Variants in PRKN observed in about 807,000 individuals in gnomAD.
PRKN encodes parkin RBR E3 ubiquitin protein ligase, also known as E3 ubiquitin-protein ligase parkin.
A neutral mutation model predicts 59.5 loss-of-function variants in PRKN; 56 were observed. That is an observed-to-expected ratio of 0.94 (90% confidence interval 0.76 to 1.18). The LOEUF is 1.18. PRKN is among the 50% of genes most tolerant of loss of function. The probability of loss-of-function intolerance (pLI) is 0.00; values close to 1 mark genes in which losing one functional copy is unlikely to be tolerated. For missense variants in PRKN, 657 were observed against 596.4 expected (o/e 1.10, Z -1.06); for synonymous variants, 250 against 222.1 (o/e 1.13, Z -1.12).
At chr6:162,480,979 TG>T (rs1453335520) in intron 1 of PRKN, among the ~76,000 whole-genome samples, 16 of 109,582 alleles carry the variant, frequency 1.5e-4, no homozygotes, top group Non-Finnish European at 3.2e-4. Flanking sequence ...CTAATTTTTG[TG>T]TGTGTGTGTG....
chr6:162,380,347 T>C (rs1310882714), intron 2 of PRKN, among the ~76,000 whole-genome samples: 1 of 150,496 alleles, frequency 6.6e-6, no homozygotes, highest in South Asian at 2.1e-4. Flanking sequence ...ACAGCAAGTA[T>C]TCATTATTCA....
At chr6:162,306,634 T>C (rs937212901) in intron 2 of PRKN, among the ~76,000 whole-genome samples, 2 of 152,196 alleles carry the variant, frequency 1.3e-5, no homozygotes, top group African/African-American at 4.8e-5. Context: ...ACGGAAGTAT[T>C]TGAACAAATT....
intron 7 of PRKN, among the ~76,000 whole-genome samples, chr6:161,659,838 A>T (rs1784480902): frequency 6.6e-6 from 1 of 152,080 alleles, no homozygotes; most frequent in Non-Finnish European, 1.5e-5. Flanking sequence ...TACTATCCAC[A>T]CTTATTCAGG....
chr6:161,888,418 C>A (rs747012852), intron 6 of PRKN, among the ~76,000 whole-genome samples: 1 of 152,168 alleles, frequency 6.6e-6, no homozygotes, highest in Non-Finnish European at 1.5e-5. Flanking sequence ...TTCATCCAAA[C>A]TGGCCTCAAT....
At chr6:162,114,364 A>G (rs1197068152) in intron 4 of PRKN, among the ~76,000 whole-genome samples, 1 of 151,552 alleles carries the variant, frequency 6.6e-6, no homozygotes, top group South Asian at 2.1e-4. Flanking sequence ...ATGTTCTTCC[A>G]TTTGTTTGTA....
Position 161,355,980 on chromosome 6 carries a change from C to T in PRKN, c.1285+4108G>A, listed in dbSNP as rs977735306. Among the ~76,000 whole-genome samples, 11 of 152,144 alleles carry T rather than the reference C, an allele frequency of 7.2e-5. No homozygotes were observed. Among genetic ancestry groups the T allele is most frequent in the Admixed American group, 4.6e-4 (7 of 15,278 alleles). ...GACTGGGCAGAGGAGAAGCCCAGCT[C>T]GGGCACAGCCTAAGAGGCCTGAGCT... On this transcript the variant is annotated intron_variant, in intron 11 of 11. Transcript: ENST00000366898. The surrounding 1 kb of genome is among the most constrained non-coding windows in gnomAD (Gnocchi z 6.8).
chr6:161,825,004 T>A (rs1439812707), intron 6 of PRKN, among the ~76,000 whole-genome samples: 1 of 152,138 alleles, frequency 6.6e-6, no homozygotes, highest in Admixed American at 6.5e-5. Context: ...ACCTCAAATT[T>A]GAAAACAAGC....
intron 1 of PRKN, among the ~76,000 whole-genome samples, chr6:162,630,149 T>C (rs1003710669): frequency 2.6e-5 from 4 of 152,156 alleles, no homozygotes; most frequent in South Asian, 2.1e-4. Context: ...GGTGCACACA[T>C]TGATTTACCA....
chr6:161,782,841 C>T (rs992293009), intron 7 of PRKN, among the ~76,000 whole-genome samples: 1 of 151,950 alleles, frequency 6.6e-6, no homozygotes, highest in African/African-American at 2.4e-5. Flanking sequence ...TTGCAGTGAG[C>T]CGAGATCATG....
In PRKN at chr6:161,400,247, T is replaced by C. The variant is rs143818759; in HGVS notation, c.1084-13370A>G. On this transcript the variant is annotated intron_variant, in intron 9 of 11. Transcript: ENST00000366898. The surrounding 1 kb of genome is among the most constrained non-coding windows in gnomAD (Gnocchi z 4.2). ...AAAAGCGACAGAACACCTCCAATAT[T>C]TTAGAAGAAAGTAGGATGAGGTGAG... Among the ~76,000 whole-genome samples, 26 of 152,182 alleles carry C rather than the reference T, an allele frequency of 1.7e-4. No homozygotes were observed. Among genetic ancestry groups the C allele is most frequent in the African/African-American group, 5.8e-4 (24 of 41,516 alleles).
chr6:162,567,578 C>T (rs201736240), intron 1 of PRKN, among the ~76,000 whole-genome samples: 1 of 151,362 alleles, frequency 6.6e-6, no homozygotes, highest in East Asian at 1.9e-4. Context: ...CAAAAGATCT[C>T]TATAATGAAA....
In PRKN at chr6:162,382,533, C is replaced by T. The variant is rs1322013312; in HGVS notation, c.171+60777G>A. Among the ~76,000 whole-genome samples the T allele has an allele frequency of 4.6e-5, 7 of 152,124 alleles. No homozygotes were observed. In the South Asian group the frequency reaches 6.2e-4, roughly 13 times the overall value. ...GCATACAAACTTTAATTTAAAAATA[C>T]GTTATTGCTAAAAAATGCTAACAAT... is the stretch of plus-strand genomic sequence containing the variant. On this transcript the variant is annotated intron_variant, in intron 2 of 11. Transcript: ENST00000366898.
At chr6:161,599,238 G>A (rs1189808356) in intron 7 of PRKN, among the ~76,000 whole-genome samples, 1 of 152,144 alleles carries the variant, frequency 6.6e-6, no homozygotes, top group African/African-American at 2.4e-5. Context: ...TTTTTTGGCA[G>A]CCCTAGGAAA....
chr6:162,572,468 T>C (rs1780376623), intron 1 of PRKN, among the ~76,000 whole-genome samples: 2 of 152,168 alleles, frequency 1.3e-5, no homozygotes, highest in Admixed American at 6.5e-5. Context: ...AGAATGAAGA[T>C]AATGGAGCAG....
rs924725695 is a variant in PRKN, at chr6:161,402,423, G to A, written c.1084-15546C>T. Among the ~76,000 whole-genome samples the A allele has an allele frequency of 8.5e-5, 13 of 152,130 alleles. No homozygotes were observed. The highest frequency in any genetic ancestry group is 3.1e-4 in the African/African-American group (13 of 41,398). ...TGTGTCCCAGGGCGGCTGAGATAAT[G>A]CGCGGATCTCAGGTGAGTCGAGGAA... On this transcript the variant is annotated intron_variant, in intron 9 of 11. Transcript: ENST00000366898. This position sits in a 1 kb window ranked among gnomAD's most constrained non-coding sequence, Gnocchi z 4.5.
At chr6:162,222,646 G>A (rs1777984940) in intron 3 of PRKN, among the ~76,000 whole-genome samples, 1 of 152,148 alleles carries the variant, frequency 6.6e-6, no homozygotes, top group Non-Finnish European at 1.5e-5. Context: ...GTGAGACCCT[G>A]AGTGGAGGAT....
At chr6:162,304,208 C>T (rs9456759) in intron 2 of PRKN, among the ~76,000 whole-genome samples, 2 of 150,250 alleles carry the variant, frequency 1.3e-5, no homozygotes. Flanking sequence ...TATGTTGCCG[C>T]AATCCCCTAT....
intron 2 of PRKN, among the ~76,000 whole-genome samples, chr6:162,354,879 T>C (rs1784780913): frequency 6.6e-6 from 1 of 152,054 alleles, no homozygotes. Flanking sequence ...ATTTATGCAG[T>C]TATCCTTATT....
intron 6 of PRKN, among the ~76,000 whole-genome samples, chr6:161,856,361 A>AAAATAAAGAAATAAAGAAAT (rs76955526): frequency 6.0e-5 from 9 of 149,466 alleles, no homozygotes; most frequent in East Asian, 2.0e-4. Context: ...ATGCCATCTC[A>AAAATAAAGAAATAAAGAAAT]AAATAAATAA....
Sources: gnomAD v4.1 joint callset for allele counts (sites outside exome capture counted in the v4.1 genomes callset) on GRCh38, gnomAD v4.1.1 for gene constraint, Gnocchi (gnomAD v3.1) non-coding constraint, MANE v1.5 for transcripts, NCBI Gene and HGNC (gene_info 2026-07-23, HGNC 2026-07-21) for gene names.